Variants in IQCJ observed in about 807,000 individuals in gnomAD.
IQCJ encodes IQ motif containing J.
IQCJ carries 9 observed loss-of-function variants against 11.0 expected under a neutral mutation model. That is an observed-to-expected ratio of 0.82 (90% CI 0.49 to 1.43). IQCJ has a LOEUF of 1.43. Ranked by LOEUF, IQCJ falls within the 40% of genes most tolerant of loss-of-function variation. The pLI is 0.00. For missense variants in IQCJ, 146 were observed against 133.2 expected (o/e 1.10, Z -0.47); for synonymous variants, 55 against 51.3 (o/e 1.07, Z -0.31).
intron 1 of IQCJ, among the ~76,000 whole-genome samples, chr3:159,095,595 A>G (rs9713959): frequency 9.4e-6 from 1 of 106,784 alleles, no homozygotes; most frequent in Admixed American, 1.1e-4. Flanking sequence ...ATTCCCACCT[A>G]TTAGTGAGAA....
intron 1 of IQCJ, among the ~76,000 whole-genome samples, chr3:159,109,373 T>G (rs1718469925): frequency 6.6e-6 from 1 of 152,116 alleles, no homozygotes; most frequent in South Asian, 2.1e-4. Context: ...CTTGGAGCCT[T>G]AAGGAGCCTT....
intron 1 of IQCJ, among the ~76,000 whole-genome samples, chr3:159,102,287 G>A (rs1404632556): frequency 1.3e-5 from 2 of 152,178 alleles, no homozygotes; most frequent in Non-Finnish European, 2.9e-5. Context: ...CTATTAAAAT[G>A]TATTCACTTT....
intron 3 of IQCJ, among the ~76,000 whole-genome samples, chr3:159,257,900 T>A (rs1017574202): frequency 2.0e-5 from 3 of 152,160 alleles, no homozygotes; most frequent in African/African-American, 7.2e-5. Context: ...GAGGCAGGGA[T>A]CTGCTCTGAG....
At chr3:159,245,647 A>G (rs1459199768) in intron 1 of IQCJ, among the ~76,000 whole-genome samples, 196 bp from the exon 2 acceptor site, 1 of 151,966 alleles carries the variant, frequency 6.6e-6, no homozygotes, top group Non-Finnish European at 1.5e-5. Flanking sequence ...TATTTTTAGT[A>G]GAGACAGGGT....
At chr3:159,264,319 A>G (rs776655433), downstream of IQCJ, among the ~76,000 whole-genome samples, 4 of 152,200 alleles carry the variant, frequency 2.6e-5, no homozygotes, top group East Asian at 3.8e-4. Flanking sequence ...CGATTCTAGC[A>G]TAAGTGTTTT....
chr3:159,090,648 G>A lies in IQCJ; in HGVS notation c.9+21207G>A, dbSNP rs145798248. The stretch of plus-strand genomic sequence containing the variant: ...AATGAAGGTCAGCTGTGAGGAAGCT[G>A]AGGTGAGAGTAGGAGAAATGAGCTG... On this transcript the variant is annotated intron_variant, in intron 1 of 3. Transcript: ENST00000397832. 3.2e-3 allele frequency among the ~76,000 whole-genome samples: 487 copies of A among 151,898 alleles called. 2 individuals carry two copies. The highest frequency in any genetic ancestry group is 0.013 in the East Asian group (69 of 5,166).
chr3:159,254,020 G>T (rs1401881307), intron 3 of IQCJ, among the ~76,000 whole-genome samples: 3 of 152,186 alleles, frequency 2.0e-5, no homozygotes, highest in Non-Finnish European at 2.9e-5. Context: ...CAGCTACAAA[G>T]TTCTGTGTCA....
intron 1 of IQCJ, among the ~76,000 whole-genome samples, chr3:159,160,649 A>G (rs1721790084): frequency 1.3e-5 from 2 of 151,394 alleles, no homozygotes; most frequent in African/African-American, 4.9e-5. Flanking sequence ...GTCATTTAGC[A>G]TTAGGTATAT....
At chr3:159,245,714 G>C (rs34415272) in intron 1 of IQCJ, 129 bp from the exon 2 acceptor site, 70,607 of 654,468 alleles carry the variant, frequency 0.11, 4,493 homozygotes, top group Middle Eastern at 0.13. Flanking sequence ...CACCCGCCTC[G>C]GCCTCCCAAA....
intron 1 of IQCJ, among the ~76,000 whole-genome samples, chr3:159,173,278 T>C (rs1722596864): frequency 6.6e-6 from 1 of 152,228 alleles, no homozygotes; most frequent in Non-Finnish European, 1.5e-5. Context: ...ATCATTTTTA[T>C]AGTTTATTTT....
chr3:159,169,249 C>A (rs375203221), intron 1 of IQCJ, among the ~76,000 whole-genome samples: 8 of 84,262 alleles, frequency 9.5e-5, no homozygotes, highest in South Asian at 4.1e-4. Context: ...AGCCTATGTT[C>A]TTTTTTTTTT....
chr3:159,163,338 A>T (rs1577052730), intron 1 of IQCJ, among the ~76,000 whole-genome samples: 1 of 152,222 alleles, frequency 6.6e-6, no homozygotes. Context: ...GACTATCTCA[A>T]TAGATGCAGA....
chr3:159,135,313 A>G (rs1364341829), intron 1 of IQCJ, among the ~76,000 whole-genome samples: 2 of 152,112 alleles, frequency 1.3e-5, no homozygotes, highest in Non-Finnish European at 2.9e-5. Flanking sequence ...CCCAACCACA[A>G]TTTTGACCCA....
intron 1 of IQCJ, among the ~76,000 whole-genome samples, chr3:159,138,680 T>C (rs1200779242): frequency 6.6e-6 from 1 of 152,236 alleles, no homozygotes; most frequent in Non-Finnish European, 1.5e-5. Flanking sequence ...TGTGCATTAC[T>C]GATTGAGTGA....
At chr3:159,235,911 A>C (rs758968698) in intron 1 of IQCJ, among the ~76,000 whole-genome samples, 3 of 152,206 alleles carry the variant, frequency 2.0e-5, no homozygotes, top group Non-Finnish European at 4.4e-5. Flanking sequence ...GAAGGCAGCT[A>C]ATGTTAATAA....
intron 1 of IQCJ, among the ~76,000 whole-genome samples, chr3:159,111,918 T>C (rs1023158583): frequency 2.0e-5 from 3 of 152,222 alleles, no homozygotes; most frequent in Non-Finnish European, 4.4e-5. Context: ...AATAACATAA[T>C]TTTTGATGTA....
At chr3:159,152,959 G>A (rs1257351047) in intron 1 of IQCJ, among the ~76,000 whole-genome samples, 2 of 152,112 alleles carry the variant, frequency 1.3e-5, no homozygotes, top group Non-Finnish European at 1.5e-5. Context: ...TTGCACAAAG[G>A]CAAATGTCAC....
intron 1 of IQCJ, among the ~76,000 whole-genome samples, chr3:159,127,525 C>T (rs1336551596): frequency 1.3e-5 from 2 of 152,096 alleles, no homozygotes; most frequent in Non-Finnish European, 2.9e-5. Context: ...AGCCATAAAG[C>T]ATCTATTTGT....
In IQCJ at chr3:159,069,368, G is replaced by T. The variant is rs1715377757; in HGVS notation, c.-65G>T. ...GTCACATTGCGCTCTGTGATTCTGA[G>T]GAATACAGTGTGCCAGCATCCGATC... On this transcript the variant is annotated 5_prime_UTR_variant, in exon 1 of 4. The change creates a new upstream start codon in the 5' untranslated region. Transcript: ENST00000397832. The T allele has an allele frequency of 1.3e-6, 2 of 1,578,802 alleles. No homozygotes were observed. Among genetic ancestry groups the T allele is most frequent in the Non-Finnish European group, 1.7e-6 (2 of 1,166,298 alleles).
Sources: gnomAD v4.1 joint callset for allele counts (sites outside exome capture counted in the v4.1 genomes callset) on GRCh38, gnomAD v4.1.1 for gene constraint, MANE v1.5 for transcripts, NCBI Gene and HGNC (gene_info 2026-07-23, HGNC 2026-07-21) for gene names.